Variants in SCO1 observed in about 807,000 individuals in gnomAD.
SCO1 encodes the protein cytochrome c oxidase assembly factor SCO1.
In SCO1, 23 loss-of-function variants were observed where a neutral mutation model predicts 34.0. That is an observed-to-expected ratio of 0.68 (90% CI 0.49 to 0.96). The LOEUF (loss-of-function observed/expected upper bound fraction) is 0.96, where lower values mean the gene tolerates loss of function less well. Among genes scored for constraint, SCO1 ranks in the 40% least tolerant of loss-of-function variants. The pLI, the probability that SCO1 is intolerant of heterozygous loss-of-function variation, is 0.00. For synonymous variants in SCO1, 161 were observed against 145.5 expected (o/e 1.11, Z -0.77); for missense variants, 404 against 381.6 (o/e 1.06, Z -0.49).
At position 10,686,622 on chromosome 17, in the gene SCO1, TCTTAGGTA is replaced by T. The variant is rs1217917324; in HGVS notation, c.771+97_771+104del. The T allele has an allele frequency of 6.2e-6, 5 of 800,858 alleles. No homozygotes were observed. In the Admixed American group the frequency reaches 7.0e-5, roughly 11 times the overall value. The allele number at this position is 800,858 out of a possible 1,614,324, so 49.6% of individuals were successfully genotyped here. Reference sequence around the variant, plus strand: ...AAAATTCCTAAGGACTTTGCAATAATCTTAGGTATTCTCTCTTCTCAGAAGCTAGTCAG... The same window carrying T: ...AAAATTCCTAAGGACTTTGCAATAATTTCTCTCTTCTCAGAAGCTAGTCAG... On this transcript the variant is annotated intron_variant, in intron 5 of 5. Transcript: ENST00000255390.
intron 4 of SCO1, among the ~76,000 whole-genome samples, chr17:10,691,059 T>C (rs182358499): frequency 3.3e-5 from 5 of 152,328 alleles, no homozygotes; most frequent in Admixed American, 3.3e-4. Context: ...AGGGACTCTG[T>C]ACCCCATAAA....
At chr17:10,695,704 C>T in intron 2 of SCO1, 37 bp downstream of exon 2, 6 of 1,439,610 alleles carry the variant, frequency 4.2e-6, no homozygotes, top group Non-Finnish European at 5.9e-6. Flanking sequence ...GCCAGGAAGA[C>T]CTTTATACAG....
Position 10,676,627 on chromosome 17 carries a change from CA to C in SCO1, c.*4491del, listed in dbSNP as rs993078243. 2 of 152,170 alleles carry C rather than the reference CA, an allele frequency of 1.3e-5. No homozygotes were observed. The highest frequency in any genetic ancestry group is 2.9e-5 in the Non-Finnish European group (2 of 68,032). 9.4% of individuals were successfully genotyped at this position (152,170 alleles called of 1,614,324 possible). The stretch of plus-strand genomic sequence containing the variant: ...TTTTCTTTCGGTTAAATACCCACAT[CA>C]ATGTTCTCATGAAATAGTGCACAGA... On this transcript the variant is annotated 3_prime_UTR_variant, in exon 6 of 6. Transcript: ENST00000255390.
In SCO1 at chr17:10,674,427, A is replaced by AAAAC. The variant is rs200698018; in HGVS notation, c.*6688_*6691dup. 0.028 allele frequency: 8,108 copies of AAAAC among 288,614 alleles called. 624 individuals carry two copies. The highest frequency in any genetic ancestry group is 0.17 in the African/African-American group (7,384 of 43,500). The allele number at this position is 288,614 out of a possible 1,614,324, so 17.9% of individuals were successfully genotyped here. ...GGCAACAAGAGCGAAACTCCATCTC[A>AAAAC]AAACAAACAAACAAACAAACAAAAA... On this transcript the variant is annotated 3_prime_UTR_variant, in exon 6 of 6. Transcript: ENST00000255390.
chr17:10,680,562 C>G lies in SCO1; in HGVS notation c.*557G>C, dbSNP rs1271525800. 6.4e-6 allele frequency: 1 copy of G among 156,912 alleles called. No homozygotes were observed. The highest frequency in any genetic ancestry group is 2.4e-5 in the African/African-American group (1 of 41,406). The allele number at this position is 156,912 out of a possible 1,614,324, so 9.7% of individuals were successfully genotyped here. ...TAGATTTCCTCTTCATTAGTCAAAT[C>G]TGATAGTGATATTCATTAATAAGGA... On this transcript the variant is annotated 3_prime_UTR_variant, in exon 6 of 6. Transcript: ENST00000255390.
intron 5 of SCO1, among the ~76,000 whole-genome samples, chr17:10,683,630 C>A (rs1164822555): frequency 2.0e-5 from 3 of 152,006 alleles, no homozygotes; most frequent in Non-Finnish European, 4.4e-5. Context: ...CCTCATTATA[C>A]AATTCACATT....
At chr17:10,693,054 C>T in intron 2 of SCO1, 93 bp from the exon 3 acceptor site, 1 of 1,036,458 alleles carries the variant, frequency 9.6e-7, no homozygotes. Context: ...CTATGCTACT[C>T]ATGGTGGGGG....
In SCO1 at chr17:10,686,378, G is replaced by A. The variant is rs1055198711; in HGVS notation, c.771+349C>T. ...CTGAGGCGGGTAAGGTCAGGAGTTC[G>A]AGACCAGCCTGGCCAACGTGGTGAA... On this transcript the variant is annotated intron_variant, in intron 5 of 5. Coordinates refer to ENST00000255390, the MANE Select transcript of SCO1 (RefSeq NM_004589.4). Among the ~76,000 whole-genome samples, 6 of 151,832 alleles carry A rather than the reference G, an allele frequency of 4.0e-5. No homozygotes were observed. The East Asian group carries it at 9.7e-4, about 24-fold the overall frequency.
At chr17:10,694,674 T>C (rs185149534) in intron 2 of SCO1, among the ~76,000 whole-genome samples, 1 of 152,044 alleles carries the variant, frequency 6.6e-6, no homozygotes, top group East Asian at 1.9e-4. Context: ...ATTTTTTAAA[T>C]AAAACAAACG....
intron 2 of SCO1, among the ~76,000 whole-genome samples, chr17:10,694,464 G>A (rs2074709933): frequency 6.6e-6 from 1 of 152,116 alleles, no homozygotes; most frequent in South Asian, 2.1e-4. Flanking sequence ...ACAATACCCT[G>A]AAGATTATCT....
rs375955560 is a variant in SCO1, at chr17:10,692,984, G to A, written c.365-23C>T. Reference sequence around the variant, plus strand: ...ACTCTTAAGGAGACAAAAACATATCGACACCAAAAAAAAAGTCAATTTAAC... The same window carrying A: ...ACTCTTAAGGAGACAAAAACATATCAACACCAAAAAAAAAGTCAATTTAAC... On this transcript the variant is annotated intron_variant, in intron 2 of 5. Transcript: ENST00000255390. The A allele has an allele frequency of 4.8e-5, 77 of 1,608,690 alleles. No homozygotes were observed. The African/African-American group carries it at 8.6e-4, about 18-fold the overall frequency.
chr17:10,691,748 T>G (rs1389603935), intron 4 of SCO1, 124 bp downstream of exon 4: 1 of 693,010 alleles, frequency 1.4e-6, no homozygotes, highest in Non-Finnish European at 2.6e-6. Context: ...CACCTTTTTA[T>G]TCACCCATAA....
intron 5 of SCO1, among the ~76,000 whole-genome samples, chr17:10,683,150 C>T (rs2074632844): frequency 1.3e-5 from 2 of 152,274 alleles, no homozygotes; most frequent in Non-Finnish European, 2.9e-5. Context: ...TTAGAGTGAA[C>T]CAATGCCATC....
intron 4 of SCO1, among the ~76,000 whole-genome samples, chr17:10,691,389 G>A (rs149312259): frequency 6.6e-6 from 1 of 152,272 alleles, no homozygotes; most frequent in African/African-American, 2.4e-5. Context: ...CCAAAGTGCT[G>A]GGATTACAGG....
At chr17:10,684,193 A>G (rs1157417453) in intron 5 of SCO1, among the ~76,000 whole-genome samples, 1 of 152,240 alleles carries the variant, frequency 6.6e-6, no homozygotes, top group African/African-American at 2.4e-5. Context: ...TAAGACTTAC[A>G]TATTTTTGTT....
rs1004334683 is a variant in SCO1 at position 10,672,630 on chromosome 17, G to C, written c.*8489C>G. ...CTTCCCCAAATCCCCTCCTGCCCCT[G>C]GCAATCATTTGCCACTGCAATATTA... On this transcript the variant is annotated 3_prime_UTR_variant, in exon 6 of 6. Coordinates refer to ENST00000255390, the MANE Select transcript of SCO1 (RefSeq NM_004589.4). The C allele has an allele frequency of 2.0e-5, 3 of 152,104 alleles. No homozygotes were observed. The highest frequency in any genetic ancestry group is 4.8e-5 in the African/African-American group (2 of 41,434). The allele number at this position is 152,104 out of a possible 1,614,324, so 9.4% of individuals were successfully genotyped here.
intron 1 of SCO1, among the ~76,000 whole-genome samples, chr17:10,696,742 G>A (rs1391445117): frequency 1.3e-5 from 2 of 152,074 alleles, no homozygotes; most frequent in African/African-American, 2.4e-5. Flanking sequence ...ACAGGGTAGT[G>A]GCTCTCAAGT....
chr17:10,684,665 GACTGTATACATTTAAACA>G (rs1215335766), intron 5 of SCO1, among the ~76,000 whole-genome samples: 65 of 152,270 alleles, frequency 4.3e-4, no homozygotes, highest in African/African-American at 1.6e-3. Flanking sequence ...CCTAGTTTAG[GACTGTATACATTTAAACA>G]ATTTAATATA....
intron 5 of SCO1, 124 bp downstream of exon 5, chr17:10,686,603 C>A: frequency 2.8e-6 from 2 of 726,424 alleles, no homozygotes; most frequent in Non-Finnish European, 2.5e-6. Flanking sequence ...AAAAAAAATT[C>A]CTAAGGACTT....
Sources: gnomAD v4.1 joint callset for allele counts (sites outside exome capture counted in the v4.1 genomes callset) on GRCh38, gnomAD v4.1.1 for gene constraint, MANE v1.5 for transcripts, NCBI Gene and HGNC (gene_info 2026-07-23, HGNC 2026-07-21) for gene names.